The following CHRNB3 variants were observed in gnomAD, a reference collection of about 807,000 sequenced individuals.
The protein encoded by CHRNB3 is cholinergic receptor nicotinic beta 3 subunit, also known as neuronal acetylcholine receptor subunit beta-3.
In CHRNB3, 37 loss-of-function variants were observed where a neutral mutation model predicts 40.6. That is an observed-to-expected ratio of 0.91 (90% CI 0.70 to 1.20). CHRNB3 has a LOEUF of 1.20. CHRNB3 is among the 50% of genes most tolerant of loss of function. CHRNB3 has a pLI of 0.00. For missense variants in CHRNB3, 505 were observed against 551.2 expected (o/e 0.92, Z 0.84); for synonymous variants, 207 against 207.1 (o/e 1.00, Z 0.00).
Position 42,710,437 on chromosome 8 carries a change from A to T in CHRNB3, c.249+3A>T, listed in dbSNP as rs188806970. The T allele has an allele frequency of 1.6e-4, 264 of 1,607,444 alleles. 1 individual carries two copies. In the Admixed American group the frequency reaches 4.4e-3, roughly 27 times the overall value. On this transcript the variant is annotated splice_donor_region_variant and intron_variant, in intron 3 of 5. Transcript: ENST00000289957. ...CAACCAATGTGTGGCTCAAACAGGT[A>T]AATTTCAATCCAAGGATTGTGTCTG...
intron 3 of CHRNB3, among the ~76,000 whole-genome samples, chr8:42,729,686 T>G (rs1267638611): frequency 6.6e-6 from 1 of 152,144 alleles, no homozygotes; most frequent in Non-Finnish European, 1.5e-5. Context: ...AGCGTCATGC[T>G]GGGCATGCCC....
chr8:42,708,973 A>T (rs1815966484), intron 2 of CHRNB3, 105 bp downstream of exon 2: 1 of 1,238,136 alleles, frequency 8.1e-7, no homozygotes, highest in Non-Finnish European at 1.1e-6. Context: ...AATTTTAAAA[A>T]TAATTTACTG....
intron 3 of CHRNB3, among the ~76,000 whole-genome samples, chr8:42,711,976 T>G: frequency 6.6e-6 from 1 of 151,986 alleles, no homozygotes; most frequent in Admixed American, 6.6e-5. Context: ...TTTCTAAAGT[T>G]TTTTGTTTGT....
intron 4 of CHRNB3, 136 bp downstream of exon 4, chr8:42,730,839 G>C: frequency 4.7e-6 from 2 of 423,214 alleles, no homozygotes; most frequent in East Asian, 3.5e-5. Context: ...ATGAGGTCAG[G>C]AGATCGAGAC....
intron 3 of CHRNB3, among the ~76,000 whole-genome samples, chr8:42,724,383 A>ATAC (rs1563613650): frequency 6.6e-6 from 1 of 152,182 alleles, no homozygotes; most frequent in Non-Finnish European, 1.5e-5. Context: ...ACTTAACATA[A>ATAC]TACTACTCAG....
intron 3 of CHRNB3, among the ~76,000 whole-genome samples, chr8:42,714,331 TAAAAATA>T (rs1334192487): frequency 6.6e-6 from 1 of 151,554 alleles, no homozygotes; most frequent in Non-Finnish European, 1.5e-5. Context: ...CCATCTCTAC[TAAAAATA>T]AAAAATAAAA....
chr8:42,731,844 C>G lies in CHRNB3; in HGVS notation c.537C>G (p.Thr179=). ...TTGGATCCTGGACTTATGATGGCACCATGGTTGACCTCATTTTGATCAATG... is the reference window on the plus strand; with the variant it reads ...TTGGATCCTGGACTTATGATGGCACGATGGTTGACCTCATTTTGATCAATG... ...MKFGSWTYDG[T]MVDLILINEN... Residue 179 remains threonine (T), a synonymous_variant, in exon 5 of 6, where the codon ACC becomes ACG. Transcript: ENST00000289957. 1 of 1,614,092 alleles carries G rather than the reference C, an allele frequency of 6.2e-7. No homozygotes were observed. The highest frequency in any genetic ancestry group is 8.5e-7 in the Non-Finnish European group (1 of 1,180,038).
chr8:42,728,744 C>A (rs1563615088), intron 3 of CHRNB3, among the ~76,000 whole-genome samples: 1 of 151,760 alleles, frequency 6.6e-6, no homozygotes, highest in African/African-American at 2.4e-5. Context: ...ATATTTTGGG[C>A]AAAAAAACTG....
intron 1 of CHRNB3, among the ~76,000 whole-genome samples, chr8:42,701,114 G>A (rs1240124166): frequency 9.9e-5 from 15 of 151,194 alleles, no homozygotes; most frequent in Non-Finnish European, 2.2e-4. Context: ...TGTAATCCCA[G>A]CTACTTGGGA....
intron 1 of CHRNB3, among the ~76,000 whole-genome samples, chr8:42,701,226 C>CA (rs58800727): frequency 7.0e-5 from 5 of 71,454 alleles, no homozygotes; most frequent in African/African-American, 1.8e-4. Context: ...GACTCTGTCT[C>CA]AAAAAAAAAA....
At chr8:42,722,297 G>A (rs147002771) in intron 3 of CHRNB3, among the ~76,000 whole-genome samples, 3,828 of 151,976 alleles carry the variant, frequency 0.025, 172 homozygotes, top group African/African-American at 0.088. Context: ...CCCAGGAAGC[G>A]GAGGTTGCAG....
intron 5 of CHRNB3, 125 bp from the exon 6 acceptor site, chr8:42,736,359 A>C: frequency 8.7e-7 from 1 of 1,149,404 alleles, no homozygotes; most frequent in Non-Finnish European, 1.3e-6. Context: ...TTGGGACATT[A>C]GATGCATTTT....
At chr8:42,721,172 T>A (rs751398965) in intron 3 of CHRNB3, among the ~76,000 whole-genome samples, 18 of 152,248 alleles carry the variant, frequency 1.2e-4, no homozygotes, top group Admixed American at 3.3e-4. Flanking sequence ...CAGGATCAGC[T>A]GAGAACATTT....
At chr8:42,712,753 G>C (rs901310677) in intron 3 of CHRNB3, among the ~76,000 whole-genome samples, 1 of 151,320 alleles carries the variant, frequency 6.6e-6, no homozygotes, top group Non-Finnish European at 1.5e-5. Context: ...GGGGAGAAAA[G>C]AACCCACACT....
intron 3 of CHRNB3, among the ~76,000 whole-genome samples, chr8:42,726,825 C>T (rs1389635191): frequency 6.6e-6 from 1 of 152,044 alleles, no homozygotes; most frequent in Non-Finnish European, 1.5e-5. Context: ...ATGTGCAATG[C>T]CTGTAAGCCT....
intron 3 of CHRNB3, among the ~76,000 whole-genome samples, chr8:42,720,373 CA>C (rs1436975592): frequency 6.6e-6 from 1 of 152,000 alleles, no homozygotes; most frequent in Non-Finnish European, 1.5e-5. Flanking sequence ...CTTGGCCTCC[CA>C]AAGTGCTGGA....
intron 3 of CHRNB3, among the ~76,000 whole-genome samples, chr8:42,717,771 T>C (rs1248020005): frequency 6.6e-6 from 1 of 151,600 alleles, no homozygotes; most frequent in Admixed American, 6.6e-5. Context: ...TGAATGTGAC[T>C]AGCTCAATAA....
chr8:42,698,694 T>A (rs1214178221), intron 1 of CHRNB3, among the ~76,000 whole-genome samples: 1 of 152,226 alleles, frequency 6.6e-6, no homozygotes, highest in Non-Finnish European at 1.5e-5. Flanking sequence ...TGAATGCAGT[T>A]TGCCAATCAC....
intron 3 of CHRNB3, among the ~76,000 whole-genome samples, chr8:42,717,374 A>AT (rs1816131116): frequency 4.1e-5 from 1 of 24,536 alleles, no homozygotes; most frequent in African/African-American, 1.7e-4. Context: ...ACTCCGTCTC[A>AT]AAAAAAAAAA....
Sources: allele counts gnomAD v4.1 joint callset (sites outside exome capture counted in the v4.1 genomes callset), GRCh38; gene constraint gnomAD v4.1.1; transcripts MANE v1.5; gene names NCBI Gene and HGNC (gene_info 2026-07-23, HGNC 2026-07-21).